The following ZNF236 variants were observed in gnomAD, a reference collection of about 807,000 sequenced individuals.
ZNF236 encodes zinc finger protein 236.
Under a neutral mutation model 191.2 loss-of-function variants are expected in ZNF236, and 50 were observed. That is an observed-to-expected ratio of 0.26 (90% CI 0.21 to 0.33). The LOEUF is 0.33. ZNF236 is among the 10% of genes least tolerant of loss of function. The probability of loss-of-function intolerance (pLI) is 1.00; values close to 1 mark genes in which losing one functional copy is unlikely to be tolerated. For missense variants in ZNF236, 1,754 were observed against 2,374.5 expected (o/e 0.74, Z 5.43); for synonymous variants, 907 against 928.8 (o/e 0.98, Z 0.43).
chr18:76,967,444 G>T, intron 30 of ZNF236, among the ~76,000 whole-genome samples: 4 of 152,098 alleles, frequency 2.6e-5, no homozygotes, highest in African/African-American at 9.7e-5. Flanking sequence ...GTTGTTGGAG[G>T]TGGTGTGCTC....
At chr18:76,946,863 T>G (rs938790345) in intron 26 of ZNF236, among the ~76,000 whole-genome samples, 2 of 152,252 alleles carry the variant, frequency 1.3e-5, no homozygotes, top group Non-Finnish European at 2.9e-5. Flanking sequence ...TACACACATG[T>G]AGAGACTCTG....
rs1447099942 is a variant in ZNF236, at chr18:76,925,369, A to G, written c.3842A>G (p.Lys1281Arg). Residue 1281 changes from lysine to arginine, a missense_variant, in exon 22 of 31, where the codon AAG becomes AGG. By Grantham distance (26) the Lys-to-Arg change is conservative. Transcript: ENST00000320610. This position sits in a 1 kb window ranked among gnomAD's most constrained non-coding sequence, Gnocchi z 5.7. ...HMQFHYKPDP[K>R]KARKPMTRSS... The stretch of plus-strand genomic sequence containing the variant: ...CAGTTTCATTATAAACCAGACCCAA[A>G]GAAGGCCAGAAAGCCTATGACTCGA... The G allele has an allele frequency of 5.6e-6, 9 of 1,614,212 alleles. No individual in the cohort carries two copies. Among genetic ancestry groups the G allele is most frequent in the South Asian group, 3.3e-5 (3 of 91,084 alleles).
chr18:76,913,905 G>A lies in ZNF236; in HGVS notation c.3061+7G>A. The A allele has an allele frequency of 6.2e-7, 1 of 1,614,090 alleles. No homozygotes were observed. On this transcript the variant is annotated splice_region_variant and intron_variant, in intron 18 of 30. Coordinates refer to ENST00000320610, the MANE Select transcript of ZNF236 (RefSeq NM_001306089.2). ...CACGAGAAGACACACACAGGTCACTGTCTGCCTTATACTTGGAGATTAGTC... is the reference window on the plus strand; with the variant it reads ...CACGAGAAGACACACACAGGTCACTATCTGCCTTATACTTGGAGATTAGTC...
chr18:76,957,673 C>T (rs1013261740), intron 28 of ZNF236, among the ~76,000 whole-genome samples: 90 of 152,176 alleles, frequency 5.9e-4, no homozygotes, highest in Non-Finnish European at 2.5e-4. Context: ...TCCCTCCTCC[C>T]TCAAGGAGGC....
chr18:76,944,697 G>T (rs1321678927), intron 26 of ZNF236, among the ~76,000 whole-genome samples: 2 of 152,242 alleles, frequency 1.3e-5, no homozygotes, highest in East Asian at 3.9e-4. Context: ...CAGGAGAATC[G>T]CTTGAACTCA....
At chr18:76,899,261 T>A (rs1165171848) in intron 11 of ZNF236, 39 bp downstream of exon 11, 1 of 1,546,840 alleles carries the variant, frequency 6.5e-7, no homozygotes, top group Admixed American at 1.7e-5. Flanking sequence ...ATTTATTGAG[T>A]ACTATTTTCT....
In ZNF236 at chr18:76,925,514, A is replaced by T; in HGVS notation, c.3987A>T (p.Pro1329=). The T allele has an allele frequency of 6.2e-7, 1 of 1,614,030 alleles. No homozygotes were observed. Among genetic ancestry groups the T allele is most frequent in the Non-Finnish European group, 8.5e-7 (1 of 1,180,030 alleles). Reference sequence around the variant, plus strand: ...AGTTTGATCAGAATCTGCTGCAACCAGGACTGGTGGGCCAAGCTATTCTCC... The same window carrying T: ...AGTTTGATCAGAATCTGCTGCAACCTGGACTGGTGGGCCAAGCTATTCTCC... ...TGQFDQNLLQ[P]GLVGQAILPA... The change falls in exon 22 of 31, where the codon CCA becomes CCT. Residue 1329 remains proline (P), a synonymous_variant. Transcript: ENST00000320610. This position sits in a 1 kb window ranked among gnomAD's most constrained non-coding sequence, Gnocchi z 5.7.
chr18:76,922,819 A>C (rs1313201864), intron 20 of ZNF236, among the ~76,000 whole-genome samples: 1 of 152,074 alleles, frequency 6.6e-6, no homozygotes, highest in African/African-American at 2.4e-5. Context: ...AGCCTCCCAC[A>C]GTGCTGGGAT....
At chr18:76,853,051 T>C (rs1426471151) in intron 3 of ZNF236, among the ~76,000 whole-genome samples, 2 of 152,120 alleles carry the variant, frequency 1.3e-5, no homozygotes, top group Non-Finnish European at 2.9e-5. Flanking sequence ...AAAATTTACA[T>C]TGTGAAAGCT....
At chr18:76,904,166 G>A (rs1216869512) in intron 11 of ZNF236, among the ~76,000 whole-genome samples, 3 of 151,210 alleles carry the variant, frequency 2.0e-5, no homozygotes, top group African/African-American at 7.3e-5. Context: ...AAATTAATTT[G>A]TAATGTTATA....
chr18:76,923,365 A>G (rs1967591679), intron 21 of ZNF236, among the ~76,000 whole-genome samples, 191 bp downstream of exon 21: 2 of 151,270 alleles, frequency 1.3e-5, no homozygotes, highest in South Asian at 4.2e-4. Context: ...TGACACTAAG[A>G]AAAAAAAGGA....
chr18:76,943,269 T>C (rs1194203817), intron 26 of ZNF236, among the ~76,000 whole-genome samples: 1 of 152,188 alleles, frequency 6.6e-6, no homozygotes, highest in Non-Finnish European at 1.5e-5. Context: ...TAAGTGATAA[T>C]TTTAATTCAG....
intron 25 of ZNF236, among the ~76,000 whole-genome samples, chr18:76,928,823 A>G (rs1017516083): frequency 1.3e-5 from 2 of 151,938 alleles, no homozygotes; most frequent in Non-Finnish European, 1.5e-5. Context: ...TCTTTGTATT[A>G]CTAAGAGTCA....
At chr18:76,852,269 A>G (rs1026980433) in intron 3 of ZNF236, among the ~76,000 whole-genome samples, 1 of 152,208 alleles carries the variant, frequency 6.6e-6, no homozygotes, top group African/African-American at 2.4e-5. Context: ...TGCCATGGCC[A>G]AAAGTAACTT....
chr18:76,943,728 G>A (rs1968194169), intron 26 of ZNF236, among the ~76,000 whole-genome samples: 1 of 152,174 alleles, frequency 6.6e-6, no homozygotes, highest in Admixed American at 6.5e-5. Context: ...TTAGTTGTAA[G>A]TTTAACACTG....
At chr18:76,918,670 T>G (rs1967445959) in intron 19 of ZNF236, among the ~76,000 whole-genome samples, 2 of 151,950 alleles carry the variant, frequency 1.3e-5, no homozygotes. Context: ...AAGCCCCACC[T>G]TGGCCTCCCA....
rs772947471 is a variant in ZNF236 at position 76,937,368 on chromosome 18, C to T, written c.4782+25C>T. 1.7e-5 allele frequency: 27 copies of T among 1,544,216 alleles called. No individual in the cohort carries two copies. The Admixed American group carries it at 2.1e-4, about 12-fold the overall frequency. On this transcript the variant is annotated intron_variant, in intron 26 of 30. Transcript: ENST00000320610. ...GGCAAGTGCTCCTCAGAGAGGGATG[C>T]GAAGGTCCTTTCAAAAAGTGATCTT... is the stretch of plus-strand genomic sequence containing the variant.
chr18:76,924,974 C>T (rs1231259061), intron 21 of ZNF236, among the ~76,000 whole-genome samples: 1 of 152,156 alleles, frequency 6.6e-6, no homozygotes. Flanking sequence ...TGTGAAAATG[C>T]TAAATTCAAA....
At position 76,927,506 on chromosome 18, in the gene ZNF236, C is replaced by T; in HGVS notation, c.4403C>T (p.Thr1468Ile). Residue 1468 changes from threonine (T) to isoleucine (I), a missense_variant, in exon 24 of 31, where the codon ACT (threonine) becomes ATT (isoleucine). Physicochemically the swap from Thr to Ile is moderately conservative, Grantham distance 89. This residue lies in a region of ZNF236 where 606 missense variants were observed against 761.5 expected (regional missense o/e 0.80). Transcript: ENST00000320610. This position sits in a 1 kb window ranked among gnomAD's most constrained non-coding sequence, Gnocchi z 5.4. ...TCTGAGCAGGATTCAGTGCTGACCA[C>T]TAACAGCAGTGGTAAGAGCCACTCA... ...PLSEQDSVLT[T>I]NSSGTQDLTQ... is the part of the protein sequence containing the mutation. 1.9e-6 allele frequency: 3 copies of T among 1,613,808 alleles called. No individual in the cohort carries two copies. The highest frequency in any genetic ancestry group is 2.5e-6 in the Non-Finnish European group (3 of 1,179,940).
Sources: allele counts gnomAD v4.1 joint callset (sites outside exome capture counted in the v4.1 genomes callset), GRCh38; gene constraint gnomAD v4.1.1; regional missense constraint gnomAD v4.1.1; non-coding constraint Gnocchi (gnomAD v3.1); transcripts MANE v1.5; gene names NCBI Gene and HGNC (gene_info 2026-07-23, HGNC 2026-07-21).